SLC4A10: variants seen among roughly 807,000 people sequenced by gnomAD.
SLC4A10 encodes sodium-driven chloride bicarbonate exchanger.
SLC4A10 carries 42 observed loss-of-function variants against 137.7 expected under a neutral mutation model. The observed-to-expected ratio is 0.30, with a 90% CI of 0.24 to 0.39. SLC4A10 has a LOEUF of 0.39. SLC4A10 is among the 10% of genes least tolerant of loss of function. SLC4A10 has a pLI of 1.00. For missense variants in SLC4A10, 925 were observed against 1,355.0 expected (o/e 0.68, Z 4.98); for synonymous variants, 474 against 464.1 (o/e 1.02, Z -0.27).
chr2:161,632,554 AC>A (rs2033751058), intron 1 of SLC4A10, among the ~76,000 whole-genome samples: 1 of 151,652 alleles, frequency 6.6e-6, no homozygotes, highest in Non-Finnish European at 1.5e-5. Context: ...TCTGTTAAAA[AC>A]ATGTCATATA....
At chr2:161,771,216 G>A (rs900267818) in intron 2 of SLC4A10, among the ~76,000 whole-genome samples, 162 bp downstream of exon 2, 9 of 151,876 alleles carry the variant, frequency 5.9e-5, no homozygotes, top group Non-Finnish European at 1.3e-4. Flanking sequence ...AGTTTGGAAT[G>A]TCAATAGGCA....
intron 3 of SLC4A10, among the ~76,000 whole-genome samples, chr2:161,838,437 A>T (rs573869400): frequency 6.6e-6 from 1 of 152,318 alleles, no homozygotes; most frequent in African/African-American, 2.4e-5. Context: ...TTCAAATTTG[A>T]TACCAAAGCA....
chr2:161,720,572 A>G (rs897294578), intron 1 of SLC4A10, among the ~76,000 whole-genome samples: 20 of 152,046 alleles, frequency 1.3e-4, no homozygotes, highest in Non-Finnish European at 2.4e-4. Context: ...CTGTATTGGG[A>G]GCATATATAA....
intron 1 of SLC4A10, among the ~76,000 whole-genome samples, chr2:161,747,500 T>G (rs1361769876): frequency 1.3e-5 from 2 of 152,174 alleles, no homozygotes; most frequent in African/African-American, 4.8e-5. Flanking sequence ...GGTATGATGT[T>G]AAAATCAGGT....
intron 23 of SLC4A10, among the ~76,000 whole-genome samples, chr2:161,969,734 C>T (rs1485525932): frequency 6.6e-6 from 1 of 152,000 alleles, no homozygotes; most frequent in Non-Finnish European, 1.5e-5. Context: ...CAAATGGGAC[C>T]CTGTGATCCC....
In SLC4A10 at chr2:161,872,399, C is replaced by G; in HGVS notation, c.858+15C>G. The G allele has an allele frequency of 6.2e-7, 1 of 1,600,502 alleles. No individual in the cohort carries two copies. The highest frequency in any genetic ancestry group is 8.6e-7 in the Non-Finnish European group (1 of 1,168,360). ...ACTTTAGCAAGGTGAGCTTTTCTCC[C>G]TCTCATCTAAGTAAGTTGCTAAATT... On this transcript the variant is annotated intron_variant, in intron 7 of 26. Transcript: ENST00000446997.
Position 161,816,980 on chromosome 2 carries a change from T to C in SLC4A10, c.277+12385T>C, listed in dbSNP as rs540320776. Among the ~76,000 whole-genome samples the C allele has an allele frequency of 5.9e-5, 9 of 152,332 alleles. No homozygotes were observed. In the South Asian group the frequency reaches 1.0e-3, roughly 18 times the overall value. ...TTTATGGCAGCATGATTTATAGTCC[T>C]TTGGGTATATACCCAGTAATGGGAT... On this transcript the variant is annotated intron_variant, in intron 3 of 26. Transcript: ENST00000446997.
At chr2:161,814,002 T>A (rs775491827) in intron 3 of SLC4A10, among the ~76,000 whole-genome samples, 2 of 152,104 alleles carry the variant, frequency 1.3e-5, no homozygotes, top group Non-Finnish European at 2.9e-5. Context: ...TGATATCCAC[T>A]GTTCTGGAAA....
At chr2:161,768,585 G>A (rs1176105646) in intron 1 of SLC4A10, among the ~76,000 whole-genome samples, 1 of 151,914 alleles carries the variant, frequency 6.6e-6, no homozygotes, top group Non-Finnish European at 1.5e-5. Flanking sequence ...CTCTTCTTAT[G>A]ATTCAAGTTA....
In SLC4A10 at chr2:161,868,554, G is replaced by GA. The variant is rs978882139; in HGVS notation, c.767-3730dup. ...TATGATCCCTACATGAAGACTCAAA[G>GA]AAAAAAAAATGAATTTGTAACTCAA... On this transcript the variant is annotated intron_variant, in intron 6 of 26. Transcript: ENST00000446997. 1.2e-4 allele frequency among the ~76,000 whole-genome samples: 18 copies of GA among 148,222 alleles called. 1 individual carries two copies. The East Asian group carries it at 1.4e-3, about 11-fold the overall frequency.
chr2:161,700,130 A>G (rs1654056067), intron 1 of SLC4A10, among the ~76,000 whole-genome samples: 1 of 152,192 alleles, frequency 6.6e-6, no homozygotes, highest in South Asian at 2.1e-4. Flanking sequence ...TGTTGGGTTT[A>G]GGTAGAGTAA....
intron 1 of SLC4A10, among the ~76,000 whole-genome samples, chr2:161,691,665 A>C (rs774145819): frequency 1.3e-5 from 2 of 152,188 alleles, no homozygotes; most frequent in Non-Finnish European, 2.9e-5. Context: ...TTGAGCTCTT[A>C]TATACGCAAT....
In SLC4A10 at chr2:161,820,511, A is replaced by G. The variant is rs557057781; in HGVS notation, c.277+15916A>G. 1.9e-3 allele frequency among the ~76,000 whole-genome samples: 288 copies of G among 152,268 alleles called. 1 individual carries two copies. The highest frequency in any genetic ancestry group is 6.6e-3 in the African/African-American group (273 of 41,558). ...AAGAATCTCTGGCCTTTCTTTTTAC[A>G]ATGGGTATTTTGCTTGTTTTTGAAC... On this transcript the variant is annotated intron_variant, in intron 3 of 26. Transcript: ENST00000446997.
intron 3 of SLC4A10, among the ~76,000 whole-genome samples, chr2:161,827,867 T>A (rs1326668693): frequency 1.3e-5 from 2 of 152,188 alleles, no homozygotes; most frequent in African/African-American, 2.4e-5. Flanking sequence ...GCCCGGCCAA[T>A]ATTTATGTGA....
intron 2 of SLC4A10, among the ~76,000 whole-genome samples, chr2:161,799,263 A>T (rs886714112): frequency 6.6e-6 from 1 of 151,888 alleles, no homozygotes; most frequent in Admixed American, 6.6e-5. Flanking sequence ...TGTTCTTGAA[A>T]AGTAAATCAG....
intron 1 of SLC4A10, among the ~76,000 whole-genome samples, chr2:161,728,707 A>T (rs2046501399): frequency 6.6e-6 from 1 of 152,228 alleles, no homozygotes; most frequent in Non-Finnish European, 1.5e-5. Flanking sequence ...AAATCATTTT[A>T]TGAAGCCAGA....
chr2:161,787,677 C>G (rs2053775846), intron 2 of SLC4A10, among the ~76,000 whole-genome samples: 1 of 152,070 alleles, frequency 6.6e-6, no homozygotes, highest in African/African-American at 2.4e-5. Flanking sequence ...TGTTTAAGCT[C>G]TGAAATTCTT....
Position 161,950,682 on chromosome 2 carries a change from T to C in SLC4A10, c.2380-5T>C. 4 of 1,577,714 alleles carry C rather than the reference T, an allele frequency of 2.5e-6. No individual in the cohort carries two copies. Among genetic ancestry groups the C allele is most frequent in the Non-Finnish European group, 3.4e-6 (4 of 1,159,750 alleles). ...ATAACTATGCACATTCTTTACTTTA[T>C]ACAGCCCACTAGAGATGATCGTGGC... On this transcript the variant is annotated splice_polypyrimidine_tract_variant and splice_region_variant and intron_variant, in intron 18 of 26. Coordinates refer to ENST00000446997, the MANE Select transcript of SLC4A10 (RefSeq NM_001178015.2).
intron 3 of SLC4A10, among the ~76,000 whole-genome samples, chr2:161,833,040 C>T (rs548111832): frequency 1.5e-4 from 23 of 152,268 alleles, no homozygotes; most frequent in African/African-American, 4.1e-4. Context: ...CCACCGCGCC[C>T]GGCCGCATTT....
Sources: gnomAD v4.1 joint callset for allele counts (sites outside exome capture counted in the v4.1 genomes callset) on GRCh38, gnomAD v4.1.1 for gene constraint, MANE v1.5 for transcripts, NCBI Gene and HGNC (gene_info 2026-07-23, HGNC 2026-07-21) for gene names.